The following ARHGEF38 variants were observed in gnomAD, a reference collection of about 807,000 sequenced individuals.
ARHGEF38 encodes the protein Rho guanine nucleotide exchange factor 38.
A neutral mutation model predicts 79.9 loss-of-function variants in ARHGEF38; 79 were observed. That is an observed-to-expected ratio of 0.99 (90% CI 0.82 to 1.19). The LOEUF is 1.19. ARHGEF38 is among the 50% of genes most tolerant of loss of function. The pLI is 0.00. For synonymous variants in ARHGEF38, 366 were observed against 328.3 expected, an observed-to-expected ratio of 1.11 and a Z score of -1.24; for missense variants, 962 against 907.2, an observed-to-expected ratio of 1.06 and a Z score of -0.78.
intron 13 of ARHGEF38, among the ~76,000 whole-genome samples, chr4:105,669,244 C>A (rs1414300686): frequency 6.6e-6 from 1 of 151,762 alleles, no homozygotes; most frequent in Admixed American, 6.6e-5. Flanking sequence ...ACAATTAAAC[C>A]TAAATAGCTA....
chr4:105,648,430 C>T (rs559194509), intron 6 of ARHGEF38, 119 bp from the exon 7 acceptor site: 5 of 958,924 alleles, frequency 5.2e-6, no homozygotes, highest in African/African-American at 3.3e-5. Context: ...GCAGCAGAGG[C>T]TCAAAAATCA....
intron 1 of ARHGEF38, among the ~76,000 whole-genome samples, chr4:105,568,266 A>C (rs1489750906): frequency 2.0e-5 from 3 of 151,956 alleles, no homozygotes. Context: ...CCATCAGAGA[A>C]ATGCAAATCA....
At chr4:105,563,356 A>G (rs944768831) in intron 1 of ARHGEF38, 10 of 152,214 alleles carry the variant, frequency 6.6e-5, no homozygotes, top group Non-Finnish European at 1.0e-4. Flanking sequence ...GTCCTCATAC[A>G]TGGAACAAGG....
chr4:105,607,076 G>T (rs1560717458), intron 2 of ARHGEF38, among the ~76,000 whole-genome samples: 1 of 152,050 alleles, frequency 6.6e-6, no homozygotes, highest in Non-Finnish European at 1.5e-5. Flanking sequence ...AGAAAGTTTG[G>T]TTTTTCCTCC....
intron 7 of ARHGEF38, among the ~76,000 whole-genome samples, chr4:105,650,396 G>A (rs920540460): frequency 6.6e-6 from 1 of 152,146 alleles, no homozygotes; most frequent in African/African-American, 2.4e-5. Flanking sequence ...TACACACCAA[G>A]CCAATATCTC....
intron 1 of ARHGEF38, among the ~76,000 whole-genome samples, chr4:105,566,400 C>A (rs546756963): frequency 6.6e-6 from 1 of 152,120 alleles, no homozygotes; most frequent in Non-Finnish European, 1.5e-5. Flanking sequence ...TTTATACTAA[C>A]TACAGTTTTA....
At chr4:105,586,618 G>C (rs1443022519) in intron 1 of ARHGEF38, among the ~76,000 whole-genome samples, 2 of 152,162 alleles carry the variant, frequency 1.3e-5, no homozygotes, top group African/African-American at 4.8e-5. Flanking sequence ...GCATGTTTTA[G>C]GGATATTCCT....
At chr4:105,590,003 A>G (rs1397536373) in intron 2 of ARHGEF38, among the ~76,000 whole-genome samples, 2 of 151,170 alleles carry the variant, frequency 1.3e-5, no homozygotes, top group Non-Finnish European at 3.0e-5. Flanking sequence ...GCGCCATTGC[A>G]CTGCAGCCTG....
At chr4:105,558,386 T>C (rs1258132042) in intron 1 of ARHGEF38, among the ~76,000 whole-genome samples, 6 of 152,198 alleles carry the variant, frequency 3.9e-5, no homozygotes, top group Non-Finnish European at 7.3e-5. Context: ...ACAAACCCTT[T>C]TTGTTCGTGT....
At position 105,632,098 on chromosome 4, in the gene ARHGEF38, A is replaced by T. The variant is rs530559777; in HGVS notation, c.656+1053A>T. Among the ~76,000 whole-genome samples the T allele has an allele frequency of 2.0e-5, 3 of 152,306 alleles. No individual in the cohort carries two copies. In the East Asian group the frequency reaches 5.8e-4, roughly 29 times the overall value. On this transcript the variant is annotated intron_variant, in intron 4 of 13. Coordinates refer to ENST00000420470, the MANE Select transcript of ARHGEF38 (RefSeq NM_001242729.2). ...TTAGCTGCACTAAATTGAAATCATG[A>T]TACTACTCTGGAGGAGGCGTTTCCC...
intron 8 of ARHGEF38, among the ~76,000 whole-genome samples, chr4:105,654,581 CA>C (rs1478435941): frequency 6.6e-6 from 1 of 152,134 alleles, no homozygotes; most frequent in African/African-American, 2.4e-5. Context: ...AATTGAACTA[CA>C]AAATCCTATT....
intron 6 of ARHGEF38, among the ~76,000 whole-genome samples, chr4:105,645,832 A>G (rs1036624572): frequency 2.6e-5 from 4 of 152,242 alleles, no homozygotes; most frequent in African/African-American, 9.6e-5. Flanking sequence ...GTTCTGGCAC[A>G]CAGAGAATGG....
At chr4:105,619,200 A>T (rs1242473825) in intron 3 of ARHGEF38, among the ~76,000 whole-genome samples, 1 of 151,904 alleles carries the variant, frequency 6.6e-6, no homozygotes, top group Non-Finnish European at 1.5e-5. Flanking sequence ...TGGCCTTGCG[A>T]CTTGCTTTGA....
At chr4:105,587,837 C>T (rs1482732659) in intron 1 of ARHGEF38, among the ~76,000 whole-genome samples, 5 of 152,208 alleles carry the variant, frequency 3.3e-5, no homozygotes, top group Non-Finnish European at 7.3e-5. Flanking sequence ...TTTGTCAAAA[C>T]TTCCTGCTTT....
At chr4:105,660,336 A>G (rs1410500609) in intron 10 of ARHGEF38, among the ~76,000 whole-genome samples, 1 of 152,192 alleles carries the variant, frequency 6.6e-6, no homozygotes, top group African/African-American at 2.4e-5. Flanking sequence ...ATTTCTTAAA[A>G]GTAAAAAACA....
intron 13 of ARHGEF38, among the ~76,000 whole-genome samples, chr4:105,668,704 AGAT>A (rs1730856399): frequency 6.9e-6 from 1 of 145,154 alleles, no homozygotes; most frequent in Non-Finnish European, 1.5e-5. Flanking sequence ...ATAGATAGAT[AGAT>A]GATAGATAGA....
Position 105,678,919 on chromosome 4 carries a change from T to A in ARHGEF38, c.*982T>A, listed in dbSNP as rs190944441. On this transcript the variant is annotated 3_prime_UTR_variant, in exon 14 of 14. Coordinates refer to ENST00000420470, the MANE Select transcript of ARHGEF38 (RefSeq NM_001242729.2). Reference sequence around the variant, plus strand: ...CAATCATTCTTGTGAAATACTTTTTTAAAAAAATACGATCAACTTCTTTGC... The same window carrying A: ...CAATCATTCTTGTGAAATACTTTTTAAAAAAAATACGATCAACTTCTTTGC... The A allele has an allele frequency of 3.6e-3, 574 of 161,482 alleles. 2 individuals carry two copies. The highest frequency in any genetic ancestry group is 4.6e-3 in the Non-Finnish European group (339 of 74,080). The allele number at this position is 161,482 out of a possible 1,614,324, so 10.0% of individuals were successfully genotyped here.
chr4:105,576,748 C>T (rs1396298439), intron 1 of ARHGEF38, among the ~76,000 whole-genome samples: 1 of 152,046 alleles, frequency 6.6e-6, no homozygotes, highest in Non-Finnish European at 1.5e-5. Context: ...TGTCTTTTTC[C>T]AGTTCACAGG....
At chr4:105,578,443 T>A (rs987605438) in intron 1 of ARHGEF38, among the ~76,000 whole-genome samples, 2 of 152,294 alleles carry the variant, frequency 1.3e-5, no homozygotes, top group African/African-American at 2.4e-5. Context: ...GGTCCATTTG[T>A]TATAGAATAT....
Sources: gnomAD v4.1 joint callset for allele counts (sites outside exome capture counted in the v4.1 genomes callset) on GRCh38, gnomAD v4.1.1 for gene constraint, MANE v1.5 for transcripts, NCBI Gene and HGNC (gene_info 2026-07-23, HGNC 2026-07-21) for gene names.